Variants in ST6GALNAC3 observed in about 807,000 individuals in gnomAD.
The protein encoded by ST6GALNAC3 is ST6 N-acetylgalactosaminide alpha-2,6-sialyltransferase 3.
ST6GALNAC3 carries 25 observed loss-of-function variants against 32.7 expected under a neutral mutation model. The ratio of observed to expected loss-of-function variants is 0.76; its 90% CI spans 0.56 to 1.07. The LOEUF is 1.07. ST6GALNAC3 is among the 50% of genes least tolerant of loss of function. The probability of loss-of-function intolerance (pLI) is 0.00; values close to 1 mark genes in which losing one functional copy is unlikely to be tolerated. For synonymous variants in ST6GALNAC3, 129 were observed against 133.1 expected, an observed-to-expected ratio of 0.97 and a Z score of 0.21; for missense variants, 355 against 382.4, an observed-to-expected ratio of 0.93 and a Z score of 0.60.
chr1:76,557,292 T>C (rs1197749636), intron 3 of ST6GALNAC3, among the ~76,000 whole-genome samples: 3 of 152,116 alleles, frequency 2.0e-5, no homozygotes, highest in East Asian at 1.9e-4. Flanking sequence ...GTGGCAAATT[T>C]TGAAATCAGA....
At chr1:76,184,277 G>A (rs1353601444) in intron 1 of ST6GALNAC3, among the ~76,000 whole-genome samples, 2 of 152,126 alleles carry the variant, frequency 1.3e-5, no homozygotes, top group African/African-American at 4.8e-5. Context: ...AGTGGCTCAC[G>A]CCTGTAATCC....
chr1:76,228,336 A>G (rs1254285772), intron 1 of ST6GALNAC3, among the ~76,000 whole-genome samples: 1 of 152,182 alleles, frequency 6.6e-6, no homozygotes, highest in African/African-American at 2.4e-5. Context: ...ACTTATTCAT[A>G]TATTCTGGCT....
At chr1:76,241,287 T>C (rs1656949160) in intron 1 of ST6GALNAC3, among the ~76,000 whole-genome samples, 1 of 152,184 alleles carries the variant, frequency 6.6e-6, no homozygotes. Flanking sequence ...TGGCTCGCAA[T>C]TCTGATATCT....
chr1:76,103,783 T>C (rs914405099), intron 1 of ST6GALNAC3, among the ~76,000 whole-genome samples: 1 of 152,188 alleles, frequency 6.6e-6, no homozygotes, highest in African/African-American at 2.4e-5. Flanking sequence ...CCTTCTCCTC[T>C]CTGTGTCTGT....
chr1:76,338,835 A>G (rs925469732), intron 2 of ST6GALNAC3, among the ~76,000 whole-genome samples: 1 of 152,054 alleles, frequency 6.6e-6, no homozygotes, highest in African/African-American at 2.4e-5. Flanking sequence ...CTCTTTGTTG[A>G]CAAATAAAGA....
intron 3 of ST6GALNAC3, among the ~76,000 whole-genome samples, chr1:76,458,611 C>T (rs1658030751): frequency 6.7e-6 from 1 of 149,644 alleles, no homozygotes; most frequent in East Asian, 2.0e-4. Flanking sequence ...TGGAAATCAT[C>T]ATTCTCAGTA....
intron 2 of ST6GALNAC3, among the ~76,000 whole-genome samples, chr1:76,411,740 A>G (rs1159740043): frequency 1.3e-5 from 2 of 152,132 alleles, no homozygotes; most frequent in Admixed American, 1.3e-4. Flanking sequence ...AAAACAAATA[A>G]CTATTTTTTG....
intron 1 of ST6GALNAC3, among the ~76,000 whole-genome samples, chr1:76,135,612 T>C (rs1309601383): frequency 1.3e-5 from 2 of 152,190 alleles, no homozygotes; most frequent in Non-Finnish European, 1.5e-5. Flanking sequence ...CTTTTGGGTA[T>C]GCATTTTACT....
intron 3 of ST6GALNAC3, among the ~76,000 whole-genome samples, chr1:76,590,388 T>C (rs566955323): frequency 7.2e-4 from 109 of 152,316 alleles, no homozygotes; most frequent in African/African-American, 2.6e-3. Context: ...ATTGCAAATA[T>C]CAGATTACTT....
intron 1 of ST6GALNAC3, among the ~76,000 whole-genome samples, chr1:76,137,599 T>G (rs1650032706): frequency 6.6e-6 from 1 of 152,212 alleles, no homozygotes; most frequent in African/African-American, 2.4e-5. Context: ...AGATTATGAT[T>G]TAATAATCCT....
Position 76,309,821 on chromosome 1 carries a change from G to T in ST6GALNAC3, c.19-3984G>T, listed in dbSNP as rs115935616. ...GAGGGTGTCTGGCTTCTGCTCTCTGGTTGCTCCCTTCACCCTCTCTGTGCT... is the reference window on the plus strand; with the variant it reads ...GAGGGTGTCTGGCTTCTGCTCTCTGTTTGCTCCCTTCACCCTCTCTGTGCT... On this transcript the variant is annotated intron_variant, in intron 1 of 4. Coordinates refer to ENST00000328299, the MANE Select transcript of ST6GALNAC3 (RefSeq NM_152996.4). 2.6e-3 allele frequency among the ~76,000 whole-genome samples: 390 copies of T among 152,212 alleles called. 3 individuals carry two copies. Among genetic ancestry groups the T allele is most frequent in the African/African-American group, 8.9e-3 (368 of 41,544 alleles).
At chr1:76,268,634 C>A (rs746007141) in intron 1 of ST6GALNAC3, among the ~76,000 whole-genome samples, 1 of 152,170 alleles carries the variant, frequency 6.6e-6, no homozygotes, top group Non-Finnish European at 1.5e-5. Flanking sequence ...TTCTAACTAG[C>A]TTAGAATTTC....
Position 76,525,791 on chromosome 1 carries a change from G to GTGTATATATATATA in ST6GALNAC3, c.624-101660_624-101659insGTATATATATATAT, listed in dbSNP as rs1438917629. Among the ~76,000 whole-genome samples the GTGTATATATATATA allele has an allele frequency of 8.8e-3, 665 of 75,302 alleles. 17 individuals are homozygous for GTGTATATATATATA. Among genetic ancestry groups the GTGTATATATATATA allele is most frequent in the South Asian group, 0.017 (22 of 1,262 alleles). The allele number at this position is 75,302 out of a possible 152,430, so 49.4% of individuals were successfully genotyped here. On this transcript the variant is annotated intron_variant, in intron 3 of 4. Transcript: ENST00000328299. ...TGTGTTTGTGTGTGTGTGTGTGTGT[G>GTGTATATATATATA]TATATATATATATATATATATATAT... is the stretch of plus-strand genomic sequence containing the variant.
intron 3 of ST6GALNAC3, among the ~76,000 whole-genome samples, chr1:76,521,207 G>A (rs975319803): frequency 2.6e-5 from 4 of 151,576 alleles, no homozygotes; most frequent in African/African-American, 9.7e-5. Flanking sequence ...TGGTATTATT[G>A]TCATGTATTT....
At chr1:76,459,339 CG>C (rs1658112044) in intron 3 of ST6GALNAC3, among the ~76,000 whole-genome samples, 1 of 152,034 alleles carries the variant, frequency 6.6e-6, no homozygotes, top group Non-Finnish European at 1.5e-5. Flanking sequence ...CCAAGGCAGG[CG>C]GATCATGAGG....
At chr1:76,371,142 T>A (rs1468111513) in intron 2 of ST6GALNAC3, among the ~76,000 whole-genome samples, 2 of 152,202 alleles carry the variant, frequency 1.3e-5, no homozygotes, top group African/African-American at 2.4e-5. Context: ...CAAGAATTTT[T>A]ATTAAATATT....
chr1:76,449,443 A>T (rs954683185), intron 3 of ST6GALNAC3, among the ~76,000 whole-genome samples: 2 of 152,220 alleles, frequency 1.3e-5, no homozygotes, highest in African/African-American at 4.8e-5. Flanking sequence ...AATACTAAAG[A>T]ATACAATTGT....
intron 3 of ST6GALNAC3, among the ~76,000 whole-genome samples, chr1:76,444,620 C>A (rs560575942): frequency 1.3e-5 from 2 of 152,264 alleles, no homozygotes; most frequent in South Asian, 2.1e-4. Context: ...TGTCAGACAC[C>A]ATTGAGTACC....
chr1:76,511,709 CAG>C (rs1661874903), intron 3 of ST6GALNAC3, among the ~76,000 whole-genome samples: 1 of 152,126 alleles, frequency 6.6e-6, no homozygotes, highest in Non-Finnish European at 1.5e-5. Context: ...TTTTGCCATT[CAG>C]AGAGAGGCAG....
Sources: allele counts gnomAD v4.1 joint callset (sites outside exome capture counted in the v4.1 genomes callset), GRCh38; gene constraint gnomAD v4.1.1; transcripts MANE v1.5; gene names NCBI Gene and HGNC (gene_info 2026-07-23, HGNC 2026-07-21).